Variants in LGMN observed in about 807,000 individuals in gnomAD.
LGMN encodes asparaginyl endopeptidase.
Under a neutral mutation model 56.8 loss-of-function variants are expected in LGMN, and 36 were observed. The observed-to-expected ratio is 0.63, with a 90% CI of 0.49 to 0.84. The LOEUF (loss-of-function observed/expected upper bound fraction) is 0.84, where lower values mean the gene tolerates loss of function less well. Among genes scored for constraint, LGMN ranks in the 40% least tolerant of loss-of-function variants. The pLI is 0.00. For synonymous variants in LGMN, 199 were observed against 210.1 expected (o/e 0.95, Z 0.46); for missense variants, 446 against 556.1 (o/e 0.80, Z 1.99).
In LGMN at chr14:92,716,282, G is replaced by A. The variant is rs137943613; in HGVS notation, c.319-61C>T. 199 of 1,253,916 alleles carry A rather than the reference G, an allele frequency of 1.6e-4. No homozygotes were observed. In the African/African-American group the frequency reaches 2.7e-3, roughly 17 times the overall value. 77.7% of individuals were successfully genotyped at this position (1,253,916 alleles called of 1,614,324 possible). ...GTCGCTCCAACCCAGAGAGTTGGCT[G>A]AGTCTGCAACCGACCCATGCCACCA... On this transcript the variant is annotated intron_variant, in intron 4 of 13. Transcript: ENST00000334869.
intron 1 of LGMN, among the ~76,000 whole-genome samples, chr14:92,740,596 A>G (rs962664347): frequency 1.3e-5 from 2 of 152,168 alleles, no homozygotes; most frequent in Non-Finnish European, 2.9e-5. Context: ...CAGGCACTGC[A>G]CCCTGCACCC....
At chr14:92,715,202 T>C (rs1297161985) in intron 5 of LGMN, among the ~76,000 whole-genome samples, 2 of 131,294 alleles carry the variant, frequency 1.5e-5, no homozygotes, top group Non-Finnish European at 3.3e-5. Context: ...ATTCACACTG[T>C]TGGTCAGGGT....
chr14:92,706,768 G>T (rs922176804), intron 11 of LGMN, 115 bp from the exon 12 acceptor site: 3 of 917,002 alleles, frequency 3.3e-6, no homozygotes, highest in Non-Finnish European at 1.5e-6. Flanking sequence ...TCAGCCTCCC[G>T]CAGGTTAGAG....
chr14:92,719,323 G>A (rs181526680), intron 2 of LGMN, among the ~76,000 whole-genome samples: 5,216 of 41,366 alleles, frequency 0.13, 572 homozygotes, highest in East Asian at 0.37. Flanking sequence ...CGCCGCCGCC[G>A]CCACCGCCAC....
chr14:92,735,007 C>A (rs1438820883), intron 1 of LGMN, among the ~76,000 whole-genome samples: 1 of 152,176 alleles, frequency 6.6e-6, no homozygotes, highest in Non-Finnish European at 1.5e-5. Flanking sequence ...GAAGGCTGAT[C>A]CACCTCTAAG....
chr14:92,708,105 C>T (rs932605823), intron 11 of LGMN, among the ~76,000 whole-genome samples: 71 of 149,842 alleles, frequency 4.7e-4, no homozygotes, highest in African/African-American at 1.3e-3. Flanking sequence ...GAGCTGAGAT[C>T]ATGCCATTGT....
In LGMN at chr14:92,714,888, C is replaced by T. The variant is rs1330202439; in HGVS notation, c.405-437G>A. On this transcript the variant is annotated intron_variant, in intron 5 of 13. Transcript: ENST00000334869. This position sits in a 1 kb window ranked among gnomAD's most constrained non-coding sequence, Gnocchi z 5.1. ...CACAGTCTGGATGCCCACCTACCTG[C>T]CTCACCAGGGCTTCCACCAGATGGC... 6.6e-6 allele frequency among the ~76,000 whole-genome samples: 1 copy of T among 152,202 alleles called. No homozygotes were observed. The highest frequency in any genetic ancestry group is 2.4e-5 in the African/African-American group (1 of 41,440).
intron 5 of LGMN, among the ~76,000 whole-genome samples, chr14:92,715,560 C>G (rs1890032148): frequency 6.6e-6 from 1 of 152,176 alleles, no homozygotes; most frequent in Non-Finnish European, 1.5e-5. Flanking sequence ...GGCCTCCCTT[C>G]CAGCTTAAAA....
At chr14:92,721,674 C>T (rs1249441139) in intron 2 of LGMN, among the ~76,000 whole-genome samples, 1 of 152,152 alleles carries the variant, frequency 6.6e-6, no homozygotes, top group Non-Finnish European at 1.5e-5. Flanking sequence ...ACTCTATCTC[C>T]CACAGATAAC....
At chr14:92,719,171 CCACCACCACCAT>C (rs1405672661) in intron 2 of LGMN, among the ~76,000 whole-genome samples, 5 of 140,660 alleles carry the variant, frequency 3.6e-5, no homozygotes, top group East Asian at 4.2e-4. Flanking sequence ...ACCACCACCA[CCACCACCACCAT>C]CACCACCACC....
Position 92,704,363 on chromosome 14 carries a change from T to C in LGMN, c.1260-2A>G. The C allele has an allele frequency of 6.2e-7, 1 of 1,601,322 alleles. No individual in the cohort carries two copies. The highest frequency in any genetic ancestry group is 1.3e-5 in the African/African-American group (1 of 74,730). On this transcript the variant is annotated splice_acceptor_variant, in intron 13 of 13. Transcript: ENST00000334869. LOFTEE classifies it high-confidence loss of function. ...ACGTGGTCCATGGACAATTTTATCC[T>C]GCGAGAGACAGGAAGGAGAACTTGG...
chr14:92,715,234 T>TGTGTGTGTG (rs59574513), intron 5 of LGMN, among the ~76,000 whole-genome samples: 1 of 151,318 alleles, frequency 6.6e-6, no homozygotes, highest in African/African-American at 2.4e-5. Context: ...TGTGTGTGTG[T>TGTGTGTGTG]TTGAGACAGA....
In LGMN at chr14:92,736,015, A is replaced by C. The variant is rs529713508; in HGVS notation, c.-29-3200T>G. ...CCTCAACAGAGGGTTCTTGGACCTC[A>C]TGCAAGAAAGAATTTGGGGCAAGTC... is the stretch of plus-strand genomic sequence containing the variant. On this transcript the variant is annotated intron_variant, in intron 1 of 13. Coordinates refer to ENST00000334869, the MANE Select transcript of LGMN (RefSeq NM_005606.7). 3.3e-5 allele frequency among the ~76,000 whole-genome samples: 5 copies of C among 152,324 alleles called. No individual in the cohort carries two copies. In the South Asian group the frequency reaches 1.0e-3, roughly 32 times the overall value.
intron 12 of LGMN, chr14:92,704,978 C>T (rs139363134): frequency 6.1e-4 from 240 of 391,506 alleles, no homozygotes; most frequent in African/African-American, 4.3e-3. Context: ...AGGGAACTCC[C>T]GATGGCTCTG....
intron 1 of LGMN, among the ~76,000 whole-genome samples, chr14:92,737,017 C>G (rs1891338055): frequency 6.6e-6 from 1 of 152,198 alleles, no homozygotes; most frequent in African/African-American, 2.4e-5. Flanking sequence ...CTCTCACCTA[C>G]TCGGAGCTCA....
At chr14:92,719,152 GCCACTGCCACCA>G (rs1213575042) in intron 2 of LGMN, among the ~76,000 whole-genome samples, 12 of 67,046 alleles carry the variant, frequency 1.8e-4, no homozygotes, top group Non-Finnish European at 3.0e-4. Flanking sequence ...CACCACCACC[GCCACTGCCACCA>G]CCACCACCAC....
chr14:92,732,222 G>A (rs897114735), intron 2 of LGMN, among the ~76,000 whole-genome samples: 5 of 152,300 alleles, frequency 3.3e-5, no homozygotes, highest in Admixed American at 1.3e-4. Flanking sequence ...GACACTGGGC[G>A]ACGTCTGGAG....
intron 11 of LGMN, 103 bp downstream of exon 11, chr14:92,709,569 C>T (rs1377811555): frequency 1.7e-5 from 16 of 945,058 alleles, no homozygotes; most frequent in Non-Finnish European, 1.2e-5. Context: ...TCCCCCCATA[C>T]TCCTGTGTGG....
At chr14:92,721,829 T>C (rs1290153243) in intron 2 of LGMN, among the ~76,000 whole-genome samples, 1 of 152,236 alleles carries the variant, frequency 6.6e-6, no homozygotes, top group Non-Finnish European at 1.5e-5. Flanking sequence ...ACTCAGGTGA[T>C]GGGTACCCAA....
Sources: allele counts gnomAD v4.1 joint callset (sites outside exome capture counted in the v4.1 genomes callset), GRCh38; gene constraint gnomAD v4.1.1; non-coding constraint Gnocchi (gnomAD v3.1); transcripts MANE v1.5; gene names NCBI Gene and HGNC (gene_info 2026-07-23, HGNC 2026-07-21).